Variants in KLHL20 observed in about 807,000 individuals in gnomAD.
KLHL20 encodes kelch-like protein 20.
In KLHL20, 29 loss-of-function variants were observed where a neutral mutation model predicts 69.5. That is an observed-to-expected ratio of 0.42 (90% confidence interval 0.31 to 0.57). KLHL20 has a LOEUF of 0.57. Among genes scored for constraint, KLHL20 ranks in the 20% least tolerant of loss-of-function variants. KLHL20 has a pLI of 0.18. For missense variants in KLHL20, 419 were observed against 776.0 expected, an observed-to-expected ratio of 0.54 and a Z score of 5.47; for synonymous variants, 253 against 265.2, an observed-to-expected ratio of 0.95 and a Z score of 0.45.
At chr1:173,779,903 A>G (rs928609632) in intron 10 of KLHL20, among the ~76,000 whole-genome samples, 1 of 152,118 alleles carries the variant, frequency 6.6e-6, no homozygotes, top group African/African-American at 2.4e-5. Context: ...CATGTTCTAG[A>G]CCATGGATGG....
At chr1:173,784,745 A>G (rs1158596416) in intron 11 of KLHL20, among the ~76,000 whole-genome samples, 1 of 152,218 alleles carries the variant, frequency 6.6e-6, no homozygotes, top group Admixed American at 6.5e-5. Context: ...ACAAAGGGAT[A>G]AAAATAAATA....
intron 3 of KLHL20, among the ~76,000 whole-genome samples, chr1:173,747,114 T>C (rs1023400575): frequency 1.3e-5 from 2 of 152,042 alleles, no homozygotes; most frequent in Admixed American, 6.5e-5. Flanking sequence ...TAACCTAATA[T>C]ATGATCAATT....
At chr1:173,751,089 G>T (rs555762281) in intron 3 of KLHL20, among the ~76,000 whole-genome samples, 1 of 152,022 alleles carries the variant, frequency 6.6e-6, no homozygotes, top group Non-Finnish European at 1.5e-5. Context: ...TTTCCTCTGC[G>T]TTGCACCCTG....
intron 8 of KLHL20, 107 bp downstream of exon 8, chr1:173,766,396 G>A: frequency 2.0e-6 from 2 of 1,010,118 alleles, no homozygotes; most frequent in Non-Finnish European, 2.7e-6. Flanking sequence ...TGTAATCCTA[G>A]CACTTTGGAA....
intron 3 of KLHL20, among the ~76,000 whole-genome samples, chr1:173,747,199 A>G (rs533564279): frequency 6.6e-6 from 1 of 152,154 alleles, no homozygotes; most frequent in South Asian, 2.1e-4. Context: ...TTTGATATGT[A>G]TGCATAAGAT....
chr1:173,757,347 C>A (rs575557468), intron 7 of KLHL20, among the ~76,000 whole-genome samples, 188 bp downstream of exon 7: 1 of 152,222 alleles, frequency 6.6e-6, no homozygotes, highest in South Asian at 2.1e-4. Context: ...AGTCTGTCTC[C>A]CATGACACAC....
At chr1:173,771,340 G>C (rs1330683886) in intron 8 of KLHL20, among the ~76,000 whole-genome samples, 1 of 151,956 alleles carries the variant, frequency 6.6e-6, no homozygotes, top group Non-Finnish European at 1.5e-5. Context: ...GGAGTTCAAG[G>C]CTGCAGTGAG....
At chr1:173,733,236 G>A (rs1444291838) in intron 2 of KLHL20, among the ~76,000 whole-genome samples, 1 of 151,884 alleles carries the variant, frequency 6.6e-6, no homozygotes, top group East Asian at 1.9e-4. Flanking sequence ...TCACCAGGCT[G>A]GTTTCGAACT....
intron 4 of KLHL20, among the ~76,000 whole-genome samples, chr1:173,752,923 C>T (rs1240415857): frequency 6.6e-6 from 1 of 151,986 alleles, no homozygotes; most frequent in Admixed American, 6.6e-5. Flanking sequence ...AATCCCAGCA[C>T]TTGGGAGGAT....
rs138832923 is a variant in KLHL20 at position 173,782,260 on chromosome 1, T to C, written c.1745+30T>C. 1.7e-5 allele frequency: 25 copies of C among 1,485,636 alleles called. No homozygotes were observed. The East Asian group carries it at 3.8e-4, about 23-fold the overall frequency. 92.0% of individuals were successfully genotyped at this position (1,485,636 alleles called of 1,614,324 possible). ...CTTTTAAGCTGTGTAGCAAATCACC[T>C]CACTACTGATTTGGAAATCATGGGC... is the stretch of plus-strand genomic sequence containing the variant. On this transcript the variant is annotated intron_variant, in intron 11 of 11. Transcript: ENST00000209884.
intron 3 of KLHL20, among the ~76,000 whole-genome samples, chr1:173,745,170 C>CTTTTTTTTT (rs796578983): frequency 3.7e-4 from 43 of 115,528 alleles, no homozygotes; most frequent in Non-Finnish European, 5.9e-4. Flanking sequence ...TTTCTTTTTT[C>CTTTTTTTTT]TTTTTTTTTT....
intron 10 of KLHL20, among the ~76,000 whole-genome samples, chr1:173,777,484 G>C (rs1648546440): frequency 6.6e-6 from 1 of 152,074 alleles, no homozygotes; most frequent in African/African-American, 2.4e-5. Flanking sequence ...TCCCTGTCTT[G>C]TTCTAGATCT....
At chr1:173,778,892 TC>T (rs1042653514) in intron 10 of KLHL20, among the ~76,000 whole-genome samples, 21 of 152,198 alleles carry the variant, frequency 1.4e-4, no homozygotes, top group Non-Finnish European at 2.8e-4. Flanking sequence ...ATTTTGTTTA[TC>T]TTTCAAAAGT....
intron 3 of KLHL20, chr1:173,741,590 A>T (rs1571879937): frequency 4.7e-6 from 2 of 426,886 alleles, no homozygotes; most frequent in East Asian, 7.0e-5. Context: ...GCAAAATAAA[A>T]ATTACAAGAC....
At chr1:173,769,423 C>T (rs892401100) in intron 8 of KLHL20, among the ~76,000 whole-genome samples, 3 of 151,976 alleles carry the variant, frequency 2.0e-5, no homozygotes, top group South Asian at 2.1e-4. Context: ...TTAAGCAGGA[C>T]GAGGGCAACA....
At position 173,751,696 on chromosome 1, in the gene KLHL20, G is replaced by A; in HGVS notation, c.598-68G>A. 15 of 1,507,710 alleles carry A rather than the reference G, an allele frequency of 9.9e-6. No homozygotes were observed. In the South Asian group the frequency reaches 1.5e-4, roughly 15 times the overall value. The allele number at this position is 1,507,710 out of a possible 1,614,324, so 93.4% of individuals were successfully genotyped here. A position where few individuals can be genotyped will look rare whatever the true frequency, so the allele number is the denominator to read the frequency against. Reference sequence around the variant, plus strand: ...GAATACAGCTTTGTCCCATAACCCTGAAGAAAAACACTGAGACAATAAATG... The same window carrying A: ...GAATACAGCTTTGTCCCATAACCCTAAAGAAAAACACTGAGACAATAAATG... On this transcript the variant is annotated intron_variant, in intron 3 of 11. Transcript: ENST00000209884.
chr1:173,735,203 T>C lies in KLHL20; in HGVS notation c.597+917T>C, dbSNP rs535444496. 3.3e-5 allele frequency among the ~76,000 whole-genome samples: 5 copies of C among 152,340 alleles called. No individual in the cohort carries two copies. In the East Asian group the frequency reaches 9.6e-4, roughly 29 times the overall value. On this transcript the variant is annotated intron_variant, in intron 3 of 11. Coordinates refer to ENST00000209884, the MANE Select transcript of KLHL20 (RefSeq NM_014458.4). The stretch of plus-strand genomic sequence containing the variant: ...GCACATGCCTGTGATCCCAGCACTT[T>C]GGGAGGCTGAGGCGGGCAGATTGCA...
At chr1:173,758,775 T>C (rs893775095) in intron 7 of KLHL20, among the ~76,000 whole-genome samples, 3 of 152,212 alleles carry the variant, frequency 2.0e-5, no homozygotes, top group Non-Finnish European at 2.9e-5. Context: ...CAGGGATCCA[T>C]TGGGAGGGTG....
At position 173,782,127 on chromosome 1, in the gene KLHL20, G is replaced by A; in HGVS notation, c.1642G>A (p.Gly548Ser). 1 of 1,613,356 alleles carries A rather than the reference G, an allele frequency of 6.2e-7. No homozygotes were observed. The highest frequency in any genetic ancestry group is 8.5e-7 in the Non-Finnish European group (1 of 1,179,408). ...TTACTGTATTTTGGTTTTGTAGGTT[G>A]GCCTGGCAGTGGTCAATGGACAGCT... Reference protein sequence around the residue: ...VAMTSRRSGVGLAVVNGQLMA... With the variant: ...VAMTSRRSGVSLAVVNGQLMA... Residue 548 changes from glycine to serine, a missense_variant, in exon 11 of 12, where the codon GGC becomes AGC. Physicochemically the swap from Gly to Ser is moderately conservative, Grantham distance 56 (BLOSUM62 0). Transcript: ENST00000209884.
Sources: allele counts gnomAD v4.1 joint callset (sites outside exome capture counted in the v4.1 genomes callset), GRCh38; gene constraint gnomAD v4.1.1; transcripts MANE v1.5; gene names NCBI Gene and HGNC (gene_info 2026-07-23, HGNC 2026-07-21).